Variants in SULT1C2 observed in about 807,000 individuals in gnomAD.
The protein encoded by SULT1C2 is sulfotransferase 1C2.
Under a neutral mutation model 36.0 loss-of-function variants are expected in SULT1C2, and 27 were observed. The ratio of observed to expected loss-of-function variants is 0.75; its 90% CI spans 0.55 to 1.03. The LOEUF (loss-of-function observed/expected upper bound fraction) is 1.03, where lower values mean the gene tolerates loss of function less well. SULT1C2 is among the 50% of genes least tolerant of loss of function. SULT1C2 has a pLI of 0.00. For synonymous variants in SULT1C2, 121 were observed against 116.0 expected, an observed-to-expected ratio of 1.04 and a Z score of -0.27; for missense variants, 395 against 359.2, an observed-to-expected ratio of 1.10 and a Z score of -0.80.
intron 1 of SULT1C2, among the ~76,000 whole-genome samples, 195 bp from the exon 2 acceptor site, chr2:108,293,452 G>C (rs963686514): frequency 2.0e-5 from 3 of 152,122 alleles, no homozygotes; most frequent in African/African-American, 7.2e-5. Context: ...GGGAATTATT[G>C]TTTAATAGAT....
chr2:108,305,005 G>C (rs1388084744), intron 5 of SULT1C2, among the ~76,000 whole-genome samples, 167 bp from the exon 6 acceptor site: 1 of 151,528 alleles, frequency 6.6e-6, no homozygotes, highest in Non-Finnish European at 1.5e-5. Context: ...CCCTAAGGCT[G>C]TCCCCATCTA....
intron 4 of SULT1C2, chr2:108,302,426 T>G (rs758572023): frequency 1.3e-5 from 2 of 152,224 alleles, no homozygotes; most frequent in Non-Finnish European, 2.9e-5. Context: ...GGTTTGAGAT[T>G]GAAAATTGCA....
chr2:108,305,589 AG>A lies in SULT1C2; in HGVS notation c.773del (p.Arg258LysfsTer33). On this transcript the variant is annotated frameshift_variant, in exon 7 of 8. Coordinates refer to ENST00000251481, the MANE Select transcript of SULT1C2 (RefSeq NM_001056.4). LOFTEE classifies it low-confidence loss of function (END_TRUNC). ...ILDQSISSFM[R>X]KGTVGDWKNH... ...GGACCAGTCAATTTCCTCCTTCATGAGAAAAGGTGTGTGGGGCCTCTTTATC... is the reference window on the plus strand; with the variant it reads ...GGACCAGTCAATTTCCTCCTTCATGAAAAAGGTGTGTGGGGCCTCTTTATC... The A allele has an allele frequency of 6.2e-7, 1 of 1,614,210 alleles. No individual in the cohort carries two copies. The highest frequency in any genetic ancestry group is 1.1e-5 in the South Asian group (1 of 91,084).
At chr2:108,290,554 C>A (rs2104409741) in intron 1 of SULT1C2, among the ~76,000 whole-genome samples, 1 of 152,254 alleles carries the variant, frequency 6.6e-6, no homozygotes, top group African/African-American at 2.4e-5. Flanking sequence ...AATCATGATT[C>A]TGGTGGCTGA....
intron 1 of SULT1C2, among the ~76,000 whole-genome samples, chr2:108,289,952 C>T (rs2104409250): frequency 6.6e-6 from 1 of 152,330 alleles, no homozygotes; most frequent in Admixed American, 6.5e-5. Context: ...CCTTAACCGC[C>T]CTGGTCCTCA....
chr2:108,293,711 A>G lies in SULT1C2; in HGVS notation c.44A>G (p.Glu15Gly). The change falls in exon 2 of 8, where the codon GAG becomes GGG. Residue 15 changes from glutamate to glycine, a missense_variant. By Grantham distance (98) the Glu-to-Gly change is moderately conservative. Transcript: ENST00000251481. ...SDLGKQIKLK[E>G]VEGTLLQPAT... ...CTGGGGAAACAGATAAAACTGAAAG[A>G]GGTGGAGGGGACCCTCCTGCAGCCT... The G allele has an allele frequency of 5.6e-6, 9 of 1,614,088 alleles. No homozygotes were observed. Among genetic ancestry groups the G allele is most frequent in the Non-Finnish European group, 7.6e-6 (9 of 1,180,000 alleles).
In SULT1C2 at chr2:108,294,254, G is replaced by A. The variant is rs1676666885; in HGVS notation, c.177G>A (p.Val59=). ...GGACAACGTGGATTCAGGAAATTGT[G>A]GATATGATTGAACAGAATGGGGACG... is the stretch of plus-strand genomic sequence containing the variant. ...KAGTTWIQEI[V]DMIEQNGDVE... is the part of the protein sequence containing the mutation. Residue 59 remains valine, a synonymous_variant, in exon 3 of 8, where the codon GTG becomes GTA. Coordinates refer to ENST00000251481, the MANE Select transcript of SULT1C2 (RefSeq NM_001056.4). 1 of 1,613,934 alleles carries A rather than the reference G, an allele frequency of 6.2e-7. No homozygotes were observed. Among genetic ancestry groups the A allele is most frequent in the East Asian group, 2.2e-5 (1 of 44,870 alleles).
At chr2:108,289,452 T>C (rs1375870998) in intron 1 of SULT1C2, among the ~76,000 whole-genome samples, 2 of 152,228 alleles carry the variant, frequency 1.3e-5, no homozygotes, top group Non-Finnish European at 2.9e-5. Context: ...ATGCTGGGCC[T>C]GCAAGGGGAC....
intron 1 of SULT1C2, among the ~76,000 whole-genome samples, chr2:108,290,641 T>C (rs1676568611): frequency 6.6e-6 from 1 of 151,962 alleles, no homozygotes; most frequent in Non-Finnish European, 1.5e-5. Context: ...GGTGAAGAAA[T>C]AGAAAGGCAA....
chr2:108,308,376 A>G lies in SULT1C2; in HGVS notation c.803A>G (p.His268Arg), dbSNP rs1013582420. 6 of 1,611,720 alleles carry G rather than the reference A, an allele frequency of 3.7e-6. No homozygotes were observed. Among genetic ancestry groups the G allele is most frequent in the Non-Finnish European group, 5.1e-6 (6 of 1,179,424 alleles). Residue 268 changes from histidine to arginine, a missense_variant, in exon 8 of 8, where the codon CAC becomes CGC. His to Arg is a conservative substitution (Grantham distance 29). Coordinates refer to ENST00000251481, the MANE Select transcript of SULT1C2 (RefSeq NM_001056.4). ...GGAACTGTGGGGGATTGGAAAAACC[A>G]CTTCACTGTTGCCCAGAATGAGAGG... The part of the protein sequence containing the change: ...RKGTVGDWKN[H>R]FTVAQNERFD...
chr2:108,294,275 G>A lies in SULT1C2; in HGVS notation c.198G>A (p.Gly66=), dbSNP rs17036054. The change falls in exon 3 of 8, where the codon GGG becomes GGA. Residue 66 remains glycine (G), a synonymous_variant. Transcript: ENST00000251481. The part of the protein sequence containing the change: ...QEIVDMIEQN[G]DVEKCQRAII... The stretch of plus-strand genomic sequence containing the variant: ...TTGTGGATATGATTGAACAGAATGG[G>A]GACGTGGAGAAGTGCCAGCGAGCCA... The A allele has an allele frequency of 1.4e-4, 223 of 1,614,144 alleles. No homozygotes were observed. The African/African-American group carries it at 2.8e-3, about 20-fold the overall frequency.
chr2:108,291,333 T>C (rs1170509915), intron 1 of SULT1C2, among the ~76,000 whole-genome samples: 4 of 152,186 alleles, frequency 2.6e-5, no homozygotes, highest in South Asian at 2.1e-4. Flanking sequence ...GCCCTTGTGG[T>C]CACATTAGAC....
Position 108,294,282 on chromosome 2 carries a change from G to C in SULT1C2, c.205G>C (p.Glu69Gln). 2 of 1,614,082 alleles carry C rather than the reference G, an allele frequency of 1.2e-6. No homozygotes were observed. Among genetic ancestry groups the C allele is most frequent in the Non-Finnish European group, 1.7e-6 (2 of 1,179,962 alleles). The change falls in exon 3 of 8, where the codon GAG becomes CAG. Residue 69 changes from glutamate to glutamine, a missense_variant. Glu to Gln is a conservative substitution (Grantham distance 29). Transcript: ENST00000251481. ...VDMIEQNGDV[E>Q]KCQRAIIQHR... is the part of the protein sequence containing the mutation. ...TATGATTGAACAGAATGGGGACGTG[G>C]AGAAGTGCCAGCGAGCCATCATCCA...
rs146371136 is a variant in SULT1C2, at chr2:108,294,259, T to C, written c.182T>C (p.Met61Thr). The C allele has an allele frequency of 9.0e-5, 146 of 1,614,148 alleles. No individual in the cohort carries two copies. The East Asian group carries it at 3.2e-3, about 35-fold the overall frequency. ...ACGTGGATTCAGGAAATTGTGGATA[T>C]GATTGAACAGAATGGGGACGTGGAG... ...GTTWIQEIVD[M>T]IEQNGDVEKC... Residue 61 changes from methionine to threonine, a missense_variant, in exon 3 of 8, where the codon ATG becomes ACG. Coordinates refer to ENST00000251481, the MANE Select transcript of SULT1C2 (RefSeq NM_001056.4).
chr2:108,300,699 A>T (rs1298748619), intron 3 of SULT1C2, 139 bp from the exon 4 acceptor site: 10 of 1,365,878 alleles, frequency 7.3e-6, no homozygotes, highest in Non-Finnish European at 9.7e-6. Flanking sequence ...TAATAATCCC[A>T]TTGTAAAATC....
chr2:108,294,979 G>A (rs527765373), intron 3 of SULT1C2, among the ~76,000 whole-genome samples: 1 of 152,206 alleles, frequency 6.6e-6, no homozygotes, highest in Admixed American at 6.5e-5. Flanking sequence ...TAGGAGGAAG[G>A]CCTACTTCCC....
chr2:108,303,162 G>A (rs1452438966), intron 4 of SULT1C2: 1 of 152,250 alleles, frequency 6.6e-6, no homozygotes, highest in African/African-American at 2.4e-5. Context: ...AACGCTTTCA[G>A]GAGCAGGGTT....
intron 7 of SULT1C2, 171 bp downstream of exon 7, chr2:108,305,766 G>C: frequency 1.2e-6 from 1 of 838,784 alleles, no homozygotes; most frequent in Admixed American, 2.5e-5. Flanking sequence ...GAGCTTTCTA[G>C]GGTATTGTTC....
rs1248726188 is a variant in SULT1C2, at chr2:108,300,923, A to G, written c.363A>G (p.Glu121=). 65 of 1,614,046 alleles carry G rather than the reference A, an allele frequency of 4.0e-5. No individual in the cohort carries two copies. The highest frequency in any genetic ancestry group is 5.2e-5 in the Non-Finnish European group (61 of 1,180,016). Residue 121 remains glutamate, a synonymous_variant, in exon 4 of 8, where the codon GAA becomes GAG. Transcript: ENST00000251481. Reference sequence around the variant, plus strand: ...AGCTGCTGCCACCGTCTTTCTGGGAAAACAACTGCAAGGTAAGATACCAAC... The same window carrying G: ...AGCTGCTGCCACCGTCTTTCTGGGAGAACAACTGCAAGGTAAGATACCAAC... ...STQLLPPSFW[E]NNCKFLYVAR...
Sources: allele counts gnomAD v4.1 joint callset (sites outside exome capture counted in the v4.1 genomes callset), GRCh38; gene constraint gnomAD v4.1.1; transcripts MANE v1.5; gene names NCBI Gene and HGNC (gene_info 2026-07-23, HGNC 2026-07-21).